The following MAN1A1 variants were observed in gnomAD, a reference collection of about 807,000 sequenced individuals.
MAN1A1 encodes mannosidase alpha class 1A member 1.
A neutral mutation model predicts 70.8 loss-of-function variants in MAN1A1; 29 were observed. The observed-to-expected ratio is 0.41, with a 90% CI of 0.31 to 0.56. MAN1A1 has a LOEUF of 0.56. MAN1A1 is among the 20% of genes least tolerant of loss of function. MAN1A1 has a pLI of 0.29. For synonymous variants in MAN1A1, 349 were observed against 330.1 expected (o/e 1.06, Z -0.62); for missense variants, 747 against 841.3 (o/e 0.89, Z 1.39).
At chr6:119,343,976 C>A (rs1773664362) in intron 2 of MAN1A1, among the ~76,000 whole-genome samples, 1 of 152,172 alleles carries the variant, frequency 6.6e-6, no homozygotes. Flanking sequence ...GCTTAAAATT[C>A]TCTTCAATGA....
chr6:119,275,868 T>A (rs1246384439), intron 5 of MAN1A1, among the ~76,000 whole-genome samples: 1 of 152,238 alleles, frequency 6.6e-6, no homozygotes, highest in African/African-American at 2.4e-5. Context: ...CACGGTCATG[T>A]GCTTTGCTAC....
intron 5 of MAN1A1, among the ~76,000 whole-genome samples, chr6:119,284,003 T>C (rs916845622): frequency 2.0e-5 from 3 of 152,168 alleles, no homozygotes; most frequent in African/African-American, 7.2e-5. Flanking sequence ...GTCATTCCAA[T>C]AACAAAACCG....
intron 2 of MAN1A1, among the ~76,000 whole-genome samples, chr6:119,310,483 ACCAGGGCCTGGTGC>A (rs1772671741): frequency 6.6e-6 from 1 of 152,120 alleles, no homozygotes; most frequent in Non-Finnish European, 1.5e-5. Flanking sequence ...AGCTGAATGA[ACCAGGGCCTGGTGC>A]CCAACTCAAA....
chr6:119,301,094 C>T (rs1772378592), intron 4 of MAN1A1, among the ~76,000 whole-genome samples: 1 of 152,108 alleles, frequency 6.6e-6, no homozygotes, highest in African/African-American at 2.4e-5. Context: ...GTTACTTGTG[C>T]GTGGTGACTG....
At chr6:119,197,649 G>T (rs1004221394) in intron 8 of MAN1A1, among the ~76,000 whole-genome samples, 2 of 152,182 alleles carry the variant, frequency 1.3e-5, no homozygotes, top group African/African-American at 4.8e-5. Flanking sequence ...AGGTGGGAGG[G>T]CTAAGGAAAT....
At chr6:119,288,526 G>A (rs192819162) in intron 5 of MAN1A1, among the ~76,000 whole-genome samples, 125 of 151,756 alleles carry the variant, frequency 8.2e-4, no homozygotes, top group African/African-American at 2.9e-3. Flanking sequence ...AAAATTTTCC[G>A]GATCACATTC....
intron 5 of MAN1A1, among the ~76,000 whole-genome samples, chr6:119,263,209 T>G (rs1775658694): frequency 6.6e-6 from 1 of 152,018 alleles, no homozygotes; most frequent in South Asian, 2.1e-4. Flanking sequence ...AAGTATTAAG[T>G]TAATACTTAT....
At chr6:119,302,665 C>A (rs1772423947) in intron 3 of MAN1A1, among the ~76,000 whole-genome samples, 1 of 152,128 alleles carries the variant, frequency 6.6e-6, no homozygotes, top group South Asian at 2.1e-4. Context: ...CAGGTGTGAG[C>A]CACCATACCC....
intron 4 of MAN1A1, among the ~76,000 whole-genome samples, chr6:119,293,672 G>T (rs1772115794): frequency 6.6e-6 from 1 of 151,980 alleles, no homozygotes; most frequent in Non-Finnish European, 1.5e-5. Flanking sequence ...TTAATTTGAG[G>T]TCTCTTTCAG....
At chr6:119,327,147 A>C (rs1217380178) in intron 2 of MAN1A1, 1 of 152,164 alleles carries the variant, frequency 6.6e-6, no homozygotes, top group Admixed American at 6.5e-5. Flanking sequence ...GGTGGGCCCA[A>C]TCTAATAAGT....
chr6:119,179,742 G>C lies in MAN1A1; in HGVS notation c.*77C>G. On this transcript the variant is annotated 3_prime_UTR_variant, in exon 13 of 13. Coordinates refer to ENST00000368468, the MANE Select transcript of MAN1A1 (RefSeq NM_005907.4). ...AGACCTACTAATCAAAGTTCATCAT[G>C]TGCCTGATTACCAGAAAAGGAATTA... The C allele has an allele frequency of 7.4e-7, 1 of 1,356,434 alleles. No individual in the cohort carries two copies. Among genetic ancestry groups the C allele is most frequent in the Non-Finnish European group, 1.0e-6 (1 of 969,802 alleles). 84.0% of individuals were successfully genotyped at this position (1,356,434 alleles called of 1,614,324 possible).
intron 2 of MAN1A1, among the ~76,000 whole-genome samples, chr6:119,315,244 A>G (rs1349725023): frequency 6.6e-6 from 1 of 152,258 alleles, no homozygotes; most frequent in African/African-American, 2.4e-5. Context: ...CAGGAGATAT[A>G]TAAAGAAACA....
At chr6:119,264,897 G>A (rs1019303399) in intron 5 of MAN1A1, among the ~76,000 whole-genome samples, 3 of 152,080 alleles carry the variant, frequency 2.0e-5, no homozygotes, top group African/African-American at 7.2e-5. Flanking sequence ...GCATAGGACT[G>A]GTGATAGGAG....
At chr6:119,348,382 G>T in intron 2 of MAN1A1, 81 bp downstream of exon 2, 1 of 1,341,118 alleles carries the variant, frequency 7.5e-7, no homozygotes, top group South Asian at 1.4e-5. Context: ...CATTGTTGCA[G>T]TCTTCAGAGT....
At chr6:119,305,461 T>C (rs1204116668) in intron 3 of MAN1A1, among the ~76,000 whole-genome samples, 1 of 136,416 alleles carries the variant, frequency 7.3e-6, no homozygotes, top group Non-Finnish European at 1.6e-5. Flanking sequence ...AATTCATACC[T>C]CCCCTTACCC....
chr6:119,303,393 G>A (rs1242376448), intron 3 of MAN1A1, among the ~76,000 whole-genome samples: 1 of 152,142 alleles, frequency 6.6e-6, no homozygotes, highest in Admixed American at 6.5e-5. Context: ...TGACAATGAT[G>A]CCCAATTGTA....
chr6:119,340,746 A>G (rs1490277704), intron 2 of MAN1A1, among the ~76,000 whole-genome samples: 1 of 152,232 alleles, frequency 6.6e-6, no homozygotes, highest in Non-Finnish European at 1.5e-5. Context: ...CTAAGTTGCT[A>G]ATACTAAACA....
intron 2 of MAN1A1, among the ~76,000 whole-genome samples, chr6:119,323,454 GTAA>G (rs1397818398): frequency 6.6e-6 from 1 of 152,110 alleles, no homozygotes; most frequent in African/African-American, 2.4e-5. Flanking sequence ...ATTGTATCAT[GTAA>G]TCAATTATCA....
intron 11 of MAN1A1, among the ~76,000 whole-genome samples, chr6:119,181,450 T>TG (rs1475948808): frequency 2.1e-4 from 10 of 48,384 alleles, no homozygotes; most frequent in Admixed American, 4.1e-4. Context: ...CTAAAATACA[T>TG]GTTTTTTTTT....
Sources: gnomAD v4.1 joint callset for allele counts (sites outside exome capture counted in the v4.1 genomes callset) on GRCh38, gnomAD v4.1.1 for gene constraint, MANE v1.5 for transcripts, NCBI Gene and HGNC (gene_info 2026-07-23, HGNC 2026-07-21) for gene names.